Variants in STX18 observed in about 807,000 individuals in gnomAD.
The protein encoded by STX18 is syntaxin 18.
STX18 carries 40 observed loss-of-function variants against 50.1 expected under a neutral mutation model. That is an observed-to-expected ratio of 0.80 (90% CI 0.62 to 1.04). The LOEUF (loss-of-function observed/expected upper bound fraction) is 1.04. Among genes scored for constraint, STX18 ranks in the 50% least tolerant of loss-of-function variants. STX18 has a pLI of 0.00. For missense variants in STX18, 410 were observed against 415.8 expected, an observed-to-expected ratio of 0.99 and a Z score of 0.12; for synonymous variants, 158 against 151.8, an observed-to-expected ratio of 1.04 and a Z score of -0.30.
chr4:4,536,842 A>G (rs1731360699), intron 1 of STX18, among the ~76,000 whole-genome samples: 1 of 152,254 alleles, frequency 6.6e-6, no homozygotes, highest in Non-Finnish European at 1.5e-5. Flanking sequence ...GCCTAATCTG[A>G]AAATAGAGTT....
chr4:4,439,294 ACACACATACC>A (rs1234476224), intron 5 of STX18, among the ~76,000 whole-genome samples: 4 of 150,068 alleles, frequency 2.7e-5, no homozygotes, highest in Non-Finnish European at 5.9e-5. Context: ...ACATATATAC[ACACACATACC>A]CACACATATA....
chr4:4,425,528 C>T, intron 7 of STX18: 1 of 503,320 alleles, frequency 2.0e-6, no homozygotes, highest in Non-Finnish European at 3.6e-6. Context: ...CCCCTGGGAT[C>T]CCACGGCCTG....
chr4:4,536,424 G>T (rs1731334945), intron 1 of STX18, among the ~76,000 whole-genome samples: 1 of 152,174 alleles, frequency 6.6e-6, no homozygotes, highest in Non-Finnish European at 1.5e-5. Context: ...TGATCTGCTA[G>T]GGGAAGGGAC....
chr4:4,462,800 T>C (rs551337082), intron 2 of STX18, among the ~76,000 whole-genome samples: 2 of 152,286 alleles, frequency 1.3e-5, no homozygotes, highest in South Asian at 4.1e-4. Flanking sequence ...TGCCCTTAAG[T>C]GGCAGAGCTG....
chr4:4,453,904 G>A (rs756470852), intron 5 of STX18, among the ~76,000 whole-genome samples: 2 of 152,182 alleles, frequency 1.3e-5, no homozygotes, highest in Non-Finnish European at 2.9e-5. Context: ...TACTCCAAGT[G>A]TGGTCCATGG....
intron 1 of STX18, among the ~76,000 whole-genome samples, chr4:4,472,874 A>C (rs1289864208): frequency 2.0e-5 from 3 of 152,236 alleles, no homozygotes; most frequent in African/African-American, 7.2e-5. Context: ...GGTTCAGCTA[A>C]ATTTCCCACA....
intron 5 of STX18, among the ~76,000 whole-genome samples, chr4:4,456,320 T>C (rs571442016): frequency 6.6e-6 from 1 of 152,312 alleles, no homozygotes; most frequent in Non-Finnish European, 1.5e-5. Flanking sequence ...TATGTGATGT[T>C]ATCTTCTGAA....
At chr4:4,447,314 G>A (rs974970110) in intron 5 of STX18, among the ~76,000 whole-genome samples, 33 of 150,522 alleles carry the variant, frequency 2.2e-4, no homozygotes, top group African/African-American at 8.1e-4. Context: ...TCTGGGCCGG[G>A]CGCGGTGGCT....
intron 5 of STX18, among the ~76,000 whole-genome samples, chr4:4,453,028 T>C (rs532536594): frequency 1.8e-4 from 28 of 152,258 alleles, no homozygotes; most frequent in African/African-American, 6.0e-4. Context: ...ACGATCACAC[T>C]TGAATGGATA....
At chr4:4,434,249 G>A (rs1285504557) in intron 7 of STX18, among the ~76,000 whole-genome samples, 1 of 152,184 alleles carries the variant, frequency 6.6e-6, no homozygotes, top group Non-Finnish European at 1.5e-5. Context: ...GACATTGCTG[G>A]ACGTGAGCTG....
chr4:4,464,888 G>T (rs1727545772), intron 2 of STX18, among the ~76,000 whole-genome samples: 1 of 149,982 alleles, frequency 6.7e-6, no homozygotes, highest in Non-Finnish European at 1.5e-5. Context: ...TGGATTCATT[G>T]ATTTTTTCGA....
chr4:4,446,295 T>C (rs1726405278), intron 5 of STX18, among the ~76,000 whole-genome samples: 1 of 151,800 alleles, frequency 6.6e-6, no homozygotes, highest in Non-Finnish European at 1.5e-5. Context: ...GACCTTGGGG[T>C]AGACAAAGTA....
intron 5 of STX18, 148 bp downstream of exon 5, chr4:4,457,043 C>G: frequency 5.7e-6 from 4 of 698,598 alleles, no homozygotes; most frequent in Non-Finnish European, 9.6e-6. Context: ...GCCTGGCACA[C>G]AGTGAGTGCC....
At position 4,420,911 on chromosome 4, in the gene STX18, CAACT is replaced by C. The variant is rs1724918367; in HGVS notation, c.861_864del (p.Val288TrpfsTer14). 3.1e-6 allele frequency: 5 copies of C among 1,614,062 alleles called. No homozygotes were observed. The highest frequency in any genetic ancestry group is 3.4e-6 in the Non-Finnish European group (4 of 1,180,048). Reference sequence around the variant, plus strand: ...TCCTTGATATTTTCAGTTGCCCCCACAACTAACTGGTGAATGCTGTCAATCTCAG... The same window carrying C: ...TCCTTGATATTTTCAGTTGCCCCCACAACTGGTGAATGCTGTCAATCTCAG... On this transcript the variant is annotated frameshift_variant, in exon 10 of 11. Transcript: ENST00000306200. LOFTEE classifies it high-confidence loss of function. This position sits in a 1 kb window ranked among gnomAD's most constrained non-coding sequence, Gnocchi z 4.3.
intron 1 of STX18, among the ~76,000 whole-genome samples, chr4:4,485,779 GCGTGCAGC>G (rs140799622): frequency 1.2e-3 from 183 of 152,262 alleles, no homozygotes; most frequent in African/African-American, 4.0e-3. Flanking sequence ...TGCACCTACA[GCGTGCAGC>G]CTGTCCCTGC....
intron 2 of STX18, among the ~76,000 whole-genome samples, chr4:4,466,034 G>C (rs1487006939): frequency 1.3e-5 from 2 of 152,212 alleles, no homozygotes; most frequent in African/African-American, 4.8e-5. Context: ...GTAGGACACA[G>C]TTTTTCACCT....
chr4:4,542,148 C>T (rs913527564), upstream of STX18: 29 of 736,722 alleles, frequency 3.9e-5, no homozygotes, highest in African/African-American at 5.6e-5. Flanking sequence ...GTTCCGGCCT[C>T]AGCCGGCGCA....
intron 3 of STX18, among the ~76,000 whole-genome samples, 171 bp from the exon 4 acceptor site, chr4:4,457,671 C>T (rs1030555661): frequency 6.6e-6 from 1 of 152,198 alleles, no homozygotes; most frequent in Non-Finnish European, 1.5e-5. Flanking sequence ...ATGTATCAGG[C>T]TTCGCAAGAG....
chr4:4,530,793 G>A (rs965807963), intron 1 of STX18, among the ~76,000 whole-genome samples: 11 of 151,914 alleles, frequency 7.2e-5, no homozygotes, highest in Admixed American at 4.6e-4. Context: ...TTTTTATAGC[G>A]ATGAGATTTT....
Sources: allele counts gnomAD v4.1 joint callset (sites outside exome capture counted in the v4.1 genomes callset), GRCh38; gene constraint gnomAD v4.1.1; non-coding constraint Gnocchi (gnomAD v3.1); transcripts MANE v1.5; gene names NCBI Gene and HGNC (gene_info 2026-07-23, HGNC 2026-07-21).